The following CACNG4 variants were observed in gnomAD, a reference collection of about 807,000 sequenced individuals.
CACNG4 encodes voltage-dependent calcium channel gamma-4 subunit.
A neutral mutation model predicts 22.9 loss-of-function variants in CACNG4; 8 were observed. The observed-to-expected ratio is 0.35, with a 90% confidence interval of 0.21 to 0.63. The LOEUF is 0.63. CACNG4 is among the 30% of genes least tolerant of loss of function. CACNG4 has a pLI of 0.72. For missense variants in CACNG4, 357 were observed against 455.4 expected (o/e 0.78, Z 1.97); for synonymous variants, 188 against 191.9 (o/e 0.98, Z 0.17).
intron 1 of CACNG4, among the ~76,000 whole-genome samples, chr17:66,983,170 G>A (rs958160396): frequency 6.6e-6 from 1 of 152,168 alleles, no homozygotes; most frequent in African/African-American, 2.4e-5. Context: ...ACTTTGCAGA[G>A]TTCACTTCCT....
chr17:66,966,727 T>C (rs1268045894), intron 1 of CACNG4, among the ~76,000 whole-genome samples: 2 of 152,208 alleles, frequency 1.3e-5, no homozygotes, highest in Non-Finnish European at 2.9e-5. Context: ...ATGGCAGGGC[T>C]GAGTGGAGTC....
chr17:66,965,140 A>C lies in CACNG4; in HGVS notation c.220+9A>C, dbSNP rs1299986213. 2.1e-6 allele frequency: 3 copies of C among 1,425,080 alleles called. No individual in the cohort carries two copies. The highest frequency in any genetic ancestry group is 2.9e-6 in the Non-Finnish European group (3 of 1,045,844). 88.3% of individuals were successfully genotyped at this position (1,425,080 alleles called of 1,614,324 possible). On this transcript the variant is annotated intron_variant, in intron 1 of 3. Transcript: ENST00000262138. ...GGTGTGCTGCATCGAAGGTACGGCC[A>C]GCCCCGACCCCTCGCCGCCCCACAC... is the stretch of plus-strand genomic sequence containing the variant.
chr17:66,990,774 G>A (rs919976907), intron 1 of CACNG4, among the ~76,000 whole-genome samples: 5 of 151,940 alleles, frequency 3.3e-5, no homozygotes, highest in South Asian at 2.1e-4. Context: ...TCCGCCTCAC[G>A]GATTCACACC....
chr17:66,993,338 G>A (rs981063903), intron 1 of CACNG4, among the ~76,000 whole-genome samples: 1 of 152,254 alleles, frequency 6.6e-6, no homozygotes, highest in African/African-American at 2.4e-5. Flanking sequence ...GGCTCGCAGG[G>A]CTGTGTCATC....
chr17:67,025,480 G>A (rs993355970), intron 3 of CACNG4, among the ~76,000 whole-genome samples: 10 of 152,350 alleles, frequency 6.6e-5, no homozygotes, highest in African/African-American at 9.6e-5. Flanking sequence ...GCGAGGGCCC[G>A]GAATGGGCAT....
rs2035611489 is a variant in CACNG4 at position 67,032,113 on chromosome 17, G to A, written c.*1109G>A. ...AGCAGCAACTGGCCCCACAACTCCT[G>A]TCATTGTAAGTTATTCTGCCACCAC... On this transcript the variant is annotated 3_prime_UTR_variant, in exon 4 of 4. Transcript: ENST00000262138. 2 of 397,882 alleles carry A rather than the reference G, an allele frequency of 5.0e-6. No individual in the cohort carries two copies. Among genetic ancestry groups the A allele is most frequent in the African/African-American group, 2.1e-5 (1 of 48,010 alleles). The allele number at this position is 397,882 out of a possible 1,614,324, so 24.6% of individuals were successfully genotyped here.
intron 1 of CACNG4, among the ~76,000 whole-genome samples, chr17:66,983,330 C>T (rs966549887): frequency 3.9e-5 from 6 of 152,212 alleles, no homozygotes; most frequent in Non-Finnish European, 7.3e-5. Context: ...GCCTGCTGCA[C>T]GCTGGGGAAA....
At chr17:66,986,882 T>C (rs1281680389) in intron 1 of CACNG4, among the ~76,000 whole-genome samples, 3 of 152,204 alleles carry the variant, frequency 2.0e-5, no homozygotes, top group Admixed American at 2.0e-4. Flanking sequence ...TTAACTATAC[T>C]ACATCTGTAA....
At chr17:66,976,132 G>A (rs891535257) in intron 1 of CACNG4, among the ~76,000 whole-genome samples, 3 of 152,116 alleles carry the variant, frequency 2.0e-5, no homozygotes, top group African/African-American at 7.2e-5. Flanking sequence ...GTGTCTCAGG[G>A]CCAGGGCCAG....
intron 3 of CACNG4, among the ~76,000 whole-genome samples, chr17:67,028,684 T>C (rs932040096): frequency 6.6e-6 from 1 of 152,320 alleles, no homozygotes. Flanking sequence ...ACCAGCCCAG[T>C]GAGGTGTGGA....
chr17:66,969,720 A>T (rs189199581), intron 1 of CACNG4, among the ~76,000 whole-genome samples: 164 of 152,230 alleles, frequency 1.1e-3, no homozygotes, highest in Middle Eastern at 3.4e-3. Flanking sequence ...CACAGGTGGG[A>T]GGCTTTTTCC....
At chr17:67,028,964 T>G (rs1567760893) in intron 3 of CACNG4, among the ~76,000 whole-genome samples, 1 of 152,190 alleles carries the variant, frequency 6.6e-6, no homozygotes, top group Non-Finnish European at 1.5e-5. Context: ...GTGACTAAAT[T>G]TAAAACACTA....
At chr17:66,985,027 G>C (rs545608436) in intron 1 of CACNG4, among the ~76,000 whole-genome samples, 2 of 152,122 alleles carry the variant, frequency 1.3e-5, no homozygotes, top group Non-Finnish European at 2.9e-5. Context: ...GGTGAGGAGG[G>C]TCTGACCCAA....
chr17:67,006,925 A>T (rs978404559), intron 1 of CACNG4, among the ~76,000 whole-genome samples: 2 of 151,952 alleles, frequency 1.3e-5, no homozygotes, highest in Non-Finnish European at 2.9e-5. Context: ...CTGTAATTCC[A>T]GGACTTTGGG....
Position 67,031,440 on chromosome 17 carries a change from G to A in CACNG4, c.*436G>A, listed in dbSNP as rs201238001. On this transcript the variant is annotated 3_prime_UTR_variant, in exon 4 of 4. Transcript: ENST00000262138. The surrounding 1 kb of genome is among the most constrained non-coding windows in gnomAD (Gnocchi z 4.0). Reference sequence around the variant, plus strand: ...AGGCTCTGCCGGACGCCAAGAAGACGGTCTCTGGGCTCTTGTCAGCTGCTT... The same window carrying A: ...AGGCTCTGCCGGACGCCAAGAAGACAGTCTCTGGGCTCTTGTCAGCTGCTT... 2.1e-3 allele frequency: 961 copies of A among 460,500 alleles called. 3 individuals carry two copies. Among genetic ancestry groups the A allele is most frequent in the Non-Finnish European group, 3.3e-3 (748 of 229,484 alleles). The allele number at this position is 460,500 out of a possible 1,614,324, so 28.5% of individuals were successfully genotyped here. A position where few individuals can be genotyped will look rare whatever the true frequency, so the allele number is the denominator to read the frequency against.
rs151012878 is a variant in CACNG4 at position 66,992,819 on chromosome 17, G to A, written c.221-25370G>A. On this transcript the variant is annotated intron_variant, in intron 1 of 3. Transcript: ENST00000262138. ...TGAGTGTCATTTCGCACTTGTGATT[G>A]TGTGTTATTTTTCTTTATGAGGGCC... Among the ~76,000 whole-genome samples, 47 of 152,376 alleles carry A rather than the reference G, an allele frequency of 3.1e-4. No homozygotes were observed. In the East Asian group the frequency reaches 6.6e-3, roughly 21 times the overall value.
Position 67,027,565 on chromosome 17 carries a change from G to C in CACNG4, c.445+2565G>C, listed in dbSNP as rs2035575530. ...GGAAAATGGTAGGTGCCACAGGAGA[G>C]GGACAGTTTCCAAGGCTGGGAAAGT... On this transcript the variant is annotated intron_variant, in intron 3 of 3. Transcript: ENST00000262138. This position sits in a 1 kb window ranked among gnomAD's most constrained non-coding sequence, Gnocchi z 4.3. Among the ~76,000 whole-genome samples the C allele has an allele frequency of 6.6e-6, 1 of 152,200 alleles. No homozygotes were observed. The highest frequency in any genetic ancestry group is 1.9e-4 in the East Asian group (1 of 5,196).
chr17:66,978,027 C>G (rs2035248813), intron 1 of CACNG4, among the ~76,000 whole-genome samples: 1 of 152,174 alleles, frequency 6.6e-6, no homozygotes, highest in Admixed American at 6.5e-5. Context: ...GAAATACGCA[C>G]AGGGCTCCCC....
intron 1 of CACNG4, among the ~76,000 whole-genome samples, chr17:67,010,540 A>C (rs1020493744): frequency 6.6e-6 from 1 of 152,210 alleles, no homozygotes; most frequent in Non-Finnish European, 1.5e-5. Flanking sequence ...AATAAATGTC[A>C]GGTGTTCAAA....
Sources: allele counts gnomAD v4.1 joint callset (sites outside exome capture counted in the v4.1 genomes callset), GRCh38; gene constraint gnomAD v4.1.1; non-coding constraint Gnocchi (gnomAD v3.1); transcripts MANE v1.5; gene names NCBI Gene and HGNC (gene_info 2026-07-23, HGNC 2026-07-21).